The following SLC43A3 variants were observed in gnomAD, a reference collection of about 807,000 sequenced individuals.
SLC43A3 encodes solute carrier family 43 member 3, also known as equilibrative nucleobase transporter 1.
In SLC43A3, 33 loss-of-function variants were observed where a neutral mutation model predicts 53.3. The ratio of observed to expected loss-of-function variants is 0.62; its 90% CI spans 0.47 to 0.83. The LOEUF (loss-of-function observed/expected upper bound fraction) is 0.83, where lower values mean the gene tolerates loss of function less well. Among genes scored for constraint, SLC43A3 ranks in the 40% least tolerant of loss-of-function variants. The pLI is 0.00. For synonymous variants in SLC43A3, 236 were observed against 246.2 expected (o/e 0.96, Z 0.39); for missense variants, 530 against 610.0 (o/e 0.87, Z 1.38).
At chr11:57,421,821 G>A (rs569032494) in intron 5 of SLC43A3, among the ~76,000 whole-genome samples, 1 of 152,332 alleles carries the variant, frequency 6.6e-6, no homozygotes, top group Admixed American at 6.5e-5. Context: ...GGGAACAACA[G>A]TTCCTGCTCT....
At chr11:57,422,098 CCCA>C (rs1943016752) in intron 5 of SLC43A3, among the ~76,000 whole-genome samples, 1 of 152,218 alleles carries the variant, frequency 6.6e-6, no homozygotes, top group South Asian at 2.1e-4. Context: ...CAGACTTCTG[CCCA>C]CCATTATTCT....
chr11:57,409,699 CG>C (rs1370723155), intron 12 of SLC43A3, among the ~76,000 whole-genome samples: 10 of 152,198 alleles, frequency 6.6e-5, no homozygotes, highest in Admixed American at 6.5e-4. Flanking sequence ...AGGATGAATA[CG>C]AGTTCACCAG....
At chr11:57,414,475 C>T (rs1942621077) in intron 11 of SLC43A3, 140 bp downstream of exon 11, 1 of 572,728 alleles carries the variant, frequency 1.7e-6, no homozygotes, top group South Asian at 2.0e-5. Context: ...CCACTGCACT[C>T]CAGCCTGGGC....
At chr11:57,415,645 G>C (rs541141563) in intron 9 of SLC43A3, among the ~76,000 whole-genome samples, 1 of 152,126 alleles carries the variant, frequency 6.6e-6, no homozygotes, top group Non-Finnish European at 1.5e-5. Context: ...TAACAAGGCA[G>C]ACCGGCCATG....
chr11:57,416,493 G>A, intron 9 of SLC43A3, 80 bp downstream of exon 9: 2 of 1,078,342 alleles, frequency 1.9e-6, no homozygotes. Flanking sequence ...CCCTGGGGGA[G>A]CTCTGGAGGT....
intron 13 of SLC43A3, chr11:57,408,292 T>C (rs745620386): frequency 3.0e-4 from 56 of 183,632 alleles, no homozygotes; most frequent in Non-Finnish European, 5.6e-4. Context: ...CCATGCACAG[T>C]GGTTCACGCC....
chr11:57,420,590 A>C (rs1326050531), intron 7 of SLC43A3, among the ~76,000 whole-genome samples: 1 of 152,160 alleles, frequency 6.6e-6, no homozygotes, highest in Admixed American at 6.5e-5. Flanking sequence ...CCCACTAGCC[A>C]CTTGCCACCT....
intron 11 of SLC43A3, among the ~76,000 whole-genome samples, chr11:57,411,471 C>CAAAAAAAA (rs56994898): frequency 2.5e-5 from 2 of 78,850 alleles, no homozygotes; most frequent in African/African-American, 1.1e-4. Context: ...CCTTCCTCTA[C>CAAAAAAAA]AAAAAAAAAA....
chr11:57,407,742 TG>T lies in SLC43A3; in HGVS notation c.*49del, dbSNP rs1433854069. The stretch of plus-strand genomic sequence containing the variant: ...TGGGACACGAGGTCCTCAAAGGTGG[TG>T]GAAGATGAACAAAACCATCCTCGGG... On this transcript the variant is annotated 3_prime_UTR_variant, in exon 14 of 14. Transcript: ENST00000395124. 4.3e-6 allele frequency: 5 copies of T among 1,159,614 alleles called. No individual in the cohort carries two copies. Among genetic ancestry groups the T allele is most frequent in the African/African-American group, 3.0e-5 (2 of 65,736 alleles). 71.8% of individuals were successfully genotyped at this position (1,159,614 alleles called of 1,614,324 possible).
At chr11:57,421,251 C>A (rs1251580882) in intron 6 of SLC43A3, 46 bp downstream of exon 6, 1 of 1,536,840 alleles carries the variant, frequency 6.5e-7, no homozygotes, top group Non-Finnish European at 9.0e-7. Flanking sequence ...TTCCCTCCAC[C>A]TTCCCGCCAC....
At chr11:57,417,538 G>A (rs961702383) in intron 8 of SLC43A3, among the ~76,000 whole-genome samples, 1 of 152,230 alleles carries the variant, frequency 6.6e-6, no homozygotes, top group African/African-American at 2.4e-5. Flanking sequence ...CTGATCAGCG[G>A]AACTAGCCAG....
chr11:57,420,601 T>C (rs890532966), intron 7 of SLC43A3, among the ~76,000 whole-genome samples: 1 of 152,162 alleles, frequency 6.6e-6, no homozygotes, highest in African/African-American at 2.4e-5. Flanking sequence ...CTTGCCACCT[T>C]CTTGTCCAAA....
chr11:57,410,020 G>A lies in SLC43A3; in HGVS notation c.1162C>T (p.Leu388Phe), dbSNP rs746507961. The A allele has an allele frequency of 1.9e-6, 3 of 1,613,282 alleles. No homozygotes were observed. In the Admixed American group the frequency reaches 5.0e-5, roughly 27 times the overall value. The change falls in exon 12 of 14, where the codon CTC becomes TTC. Residue 388 changes from leucine (L) to phenylalanine (F), a missense_variant. Leu to Phe is a conservative substitution (Grantham distance 22). Transcript: ENST00000395124. Reference protein sequence around the residue: ...GFALCASVPILPLQYLTFILQ... With the variant: ...GFALCASVPIFPLQYLTFILQ... The stretch of plus-strand genomic sequence containing the variant: ...ATGAAGGTGAGGTACTGGAGAGGGA[G>A]GATGGGGACTGAGGCACAGAGGGCG...
intron 11 of SLC43A3, among the ~76,000 whole-genome samples, chr11:57,413,606 G>A (rs1412344293): frequency 6.6e-6 from 1 of 152,156 alleles, no homozygotes; most frequent in Non-Finnish European, 1.5e-5. Flanking sequence ...TATGCAAAAT[G>A]TTAGTCTACT....
intron 5 of SLC43A3, 135 bp downstream of exon 5, chr11:57,423,847 A>G: frequency 2.8e-6 from 2 of 724,698 alleles, no homozygotes; most frequent in Non-Finnish European, 4.8e-6. Context: ...AGATCCTTCC[A>G]GGATTCTTTC....
At chr11:57,412,069 C>G (rs1355096331) in intron 11 of SLC43A3, among the ~76,000 whole-genome samples, 2 of 152,136 alleles carry the variant, frequency 1.3e-5, no homozygotes, top group Non-Finnish European at 2.9e-5. Flanking sequence ...ACCTCAGCAT[C>G]CAGACTGTAG....
At chr11:57,411,656 C>T (rs1263884841) in intron 11 of SLC43A3, among the ~76,000 whole-genome samples, 2 of 151,860 alleles carry the variant, frequency 1.3e-5, no homozygotes, top group African/African-American at 4.8e-5. Context: ...CAGAGTGAGA[C>T]CTCATCCCTA....
chr11:57,422,778 C>T (rs1032393260), intron 5 of SLC43A3, among the ~76,000 whole-genome samples: 5 of 152,132 alleles, frequency 3.3e-5, no homozygotes, highest in African/African-American at 1.2e-4. Flanking sequence ...CATTCAGTTG[C>T]TTAAAAATCA....
At chr11:57,426,523 A>G (rs958050068) in intron 2 of SLC43A3, 65 bp downstream of exon 2, 10 of 202,368 alleles carry the variant, frequency 4.9e-5, no homozygotes, top group Admixed American at 1.1e-4. Context: ...TTGAGTAACC[A>G]CGTGGCAAGT....
Sources: gnomAD v4.1 joint callset for allele counts (sites outside exome capture counted in the v4.1 genomes callset) on GRCh38, gnomAD v4.1.1 for gene constraint, MANE v1.5 for transcripts, NCBI Gene and HGNC (gene_info 2026-07-23, HGNC 2026-07-21) for gene names.